The following PTK7 variants were observed in gnomAD, a reference collection of about 807,000 sequenced individuals.
The protein encoded by PTK7 is inactive tyrosine-protein kinase 7.
A neutral mutation model predicts 116.6 loss-of-function variants in PTK7; 39 were observed. The ratio of observed to expected loss-of-function variants is 0.33; its 90% CI spans 0.26 to 0.44. PTK7 has a LOEUF of 0.44. Among genes scored for constraint, PTK7 ranks in the 20% least tolerant of loss-of-function variants. The probability of loss-of-function intolerance (pLI) is 1.00; values close to 1 mark genes in which losing one functional copy is unlikely to be tolerated. For synonymous variants in PTK7, 546 were observed against 563.6 expected (o/e 0.97, Z 0.44); for missense variants, 1,169 against 1,425.6 (o/e 0.82, Z 2.90).
Position 43,076,852 on chromosome 6 carries a change from A to G in PTK7, c.79+285A>G. ...GGTCTGAGCCGAGAGTTTGCTCGAGAACTGCCGAGAGTTGCTGGCTCTCGG... is the reference window on the plus strand; with the variant it reads ...GGTCTGAGCCGAGAGTTTGCTCGAGGACTGCCGAGAGTTGCTGGCTCTCGG... On this transcript the variant is annotated intron_variant, in intron 1 of 19. Transcript: ENST00000230419. The surrounding 1 kb of genome is among the most constrained non-coding windows in gnomAD (Gnocchi z 5.7). The G allele has an allele frequency of 2.7e-6, 4 of 1,456,610 alleles. No individual in the cohort carries two copies. Among genetic ancestry groups the G allele is most frequent in the Non-Finnish European group, 3.6e-6 (4 of 1,101,136 alleles). The allele number at this position is 1,456,610 out of a possible 1,614,324, so 90.2% of individuals were successfully genotyped here.
At chr6:43,119,882 G>A (rs1768857995) in intron 1 of PTK7, among the ~76,000 whole-genome samples, 1 of 152,156 alleles carries the variant, frequency 6.6e-6, no homozygotes, top group African/African-American at 2.4e-5. Flanking sequence ...GTTCCCCTTG[G>A]CAATTCTGTT....
chr6:43,157,351 TATATATATATATA>T (rs1302186158), intron 17 of PTK7, among the ~76,000 whole-genome samples: 211 of 12,186 alleles, frequency 0.017, 14 homozygotes, highest in South Asian at 0.026. Context: ...TATATATATA[TATATATATATATA>T]TTTTTTTTTT....
At position 43,130,654 on chromosome 6, in the gene PTK7, C is replaced by G. The variant is rs148508783; in HGVS notation, c.805C>G (p.Arg269Gly). 5.6e-6 allele frequency: 9 copies of G among 1,614,172 alleles called. No homozygotes were observed. Among genetic ancestry groups the G allele is most frequent in the Non-Finnish European group, 7.6e-6 (9 of 1,180,028 alleles). ...TGAGGATGAGACTCCCATCACTAACCGCAGTCGGTAAGGCATCTGGCTGGG... is the reference window on the plus strand; with the variant it reads ...TGAGGATGAGACTCCCATCACTAACGGCAGTCGGTAAGGCATCTGGCTGGG... Reference protein sequence around the residue: ...LFEDETPITNRSRPPHLRRAT... With the variant: ...LFEDETPITNGSRPPHLRRAT... The change falls in exon 5 of 20, where the codon CGC becomes GGC. Residue 269 changes from arginine (R) to glycine (G), a missense_variant. By Grantham distance (125) the Arg-to-Gly change is moderately radical. Transcript: ENST00000230419.
intron 1 of PTK7, among the ~76,000 whole-genome samples, chr6:43,110,132 G>T (rs1178861485): frequency 1.3e-5 from 2 of 151,662 alleles, no homozygotes; most frequent in Non-Finnish European, 2.9e-5. Context: ...GAGTAGCTGG[G>T]ATTACAGGCG....
chr6:43,130,501 C>A lies in PTK7; in HGVS notation c.662-10C>A, dbSNP rs550873713. The A allele has an allele frequency of 6.2e-7, 1 of 1,613,174 alleles. No homozygotes were observed. The highest frequency in any genetic ancestry group is 1.1e-5 in the South Asian group (1 of 90,970). On this transcript the variant is annotated splice_polypyrimidine_tract_variant and intron_variant, in intron 4 of 19. Coordinates refer to ENST00000230419, the MANE Select transcript of PTK7 (RefSeq NM_002821.5). Reference sequence around the variant, plus strand: ...CCAGGCTGCATGCTCCCCCATCTTTCCCTCTCCAGATGAAAGCTTTGCCAG... The same window carrying A: ...CCAGGCTGCATGCTCCCCCATCTTTACCTCTCCAGATGAAAGCTTTGCCAG...
chr6:43,118,669 A>T (rs1322867708), intron 1 of PTK7, among the ~76,000 whole-genome samples: 1 of 103,024 alleles, frequency 9.7e-6, no homozygotes, highest in East Asian at 3.7e-4. Context: ...CTATATATAT[A>T]TATATATATA....
At chr6:43,153,932 G>A (rs1255022330) in intron 17 of PTK7, among the ~76,000 whole-genome samples, 1 of 151,968 alleles carries the variant, frequency 6.6e-6, no homozygotes, top group Admixed American at 6.6e-5. Context: ...TTGGGAGGCC[G>A]AGGCAGGTGG....
In PTK7 at chr6:43,129,957, T is replaced by G. The variant is rs1420167964; in HGVS notation, c.470+128T>G. 1.0e-5 allele frequency: 10 copies of G among 988,064 alleles called. No individual in the cohort carries two copies. The highest frequency in any genetic ancestry group is 1.5e-5 in the Non-Finnish European group (10 of 655,538). The allele number at this position is 988,064 out of a possible 1,614,324, so 61.2% of individuals were successfully genotyped here. Reference sequence around the variant, plus strand: ...CACTCGTTCCACCACCACAGTGCTCTTCACCCTGCCCTCCCCCAGATATTG... The same window carrying G: ...CACTCGTTCCACCACCACAGTGCTCGTCACCCTGCCCTCCCCCAGATATTG... On this transcript the variant is annotated intron_variant, in intron 3 of 19. Transcript: ENST00000230419. The surrounding 1 kb of genome is among the most constrained non-coding windows in gnomAD (Gnocchi z 4.5).
At chr6:43,137,967 C>T (rs189530409) in intron 7 of PTK7, among the ~76,000 whole-genome samples, 90 of 152,130 alleles carry the variant, frequency 5.9e-4, no homozygotes, top group Admixed American at 3.1e-3. Flanking sequence ...CCACCACACC[C>T]GGCCAATGTT....
At chr6:43,077,831 C>G (rs73436430) in intron 1 of PTK7, among the ~76,000 whole-genome samples, 7,707 of 152,298 alleles carry the variant, frequency 0.051, 262 homozygotes, top group African/African-American at 0.082. Flanking sequence ...TCCCCTGCCC[C>G]CAGTTGTAAA....
At chr6:43,083,427 A>G (rs372925167) in intron 1 of PTK7, among the ~76,000 whole-genome samples, 8 of 152,236 alleles carry the variant, frequency 5.3e-5, no homozygotes, top group South Asian at 2.1e-4. Flanking sequence ...TTAGAGTCCT[A>G]TGTTGGAATT....
intron 1 of PTK7, among the ~76,000 whole-genome samples, chr6:43,080,322 A>C (rs1320420933): frequency 6.6e-6 from 1 of 152,244 alleles, no homozygotes; most frequent in African/African-American, 2.4e-5. Context: ...ACTGCACTCC[A>C]GCCTGGGTGT....
intron 1 of PTK7, among the ~76,000 whole-genome samples, chr6:43,116,362 G>A (rs1489756626): frequency 6.6e-6 from 1 of 152,194 alleles, no homozygotes; most frequent in Non-Finnish European, 1.5e-5. Context: ...ACATTGCGTC[G>A]TGTCCCCGCA....
rs193300737 is a variant in PTK7, at chr6:43,102,284, G to C, written c.79+25717G>C. Among the ~76,000 whole-genome samples, 96 of 152,292 alleles carry C rather than the reference G, an allele frequency of 6.3e-4. 2 individuals are homozygous for C. The highest frequency in any genetic ancestry group is 2.6e-3 in the Admixed American group (39 of 15,286). Reference sequence around the variant, plus strand: ...TACTAAAAACCCAAAAATTAGCTGGGCATGGTGGCGGGCGCCTGTAGTCCC... The same window carrying C: ...TACTAAAAACCCAAAAATTAGCTGGCCATGGTGGCGGGCGCCTGTAGTCCC... On this transcript the variant is annotated intron_variant, in intron 1 of 19. Transcript: ENST00000230419.
chr6:43,097,080 T>C (rs1767305317), intron 1 of PTK7, among the ~76,000 whole-genome samples: 1 of 132,590 alleles, frequency 7.5e-6, no homozygotes, highest in African/African-American at 2.9e-5. Flanking sequence ...TTGGCCAGAC[T>C]GCCCTGGCCA....
chr6:43,132,767 T>TA, intron 7 of PTK7, 80 bp downstream of exon 7: 1 of 1,537,042 alleles, frequency 6.5e-7, no homozygotes, highest in African/African-American at 1.4e-5. Flanking sequence ...GCTTCCCTGG[T>TA]ACTCACCTGA....
In PTK7 at chr6:43,129,033, G is replaced by T. The variant is rs1450275436; in HGVS notation, c.136G>T (p.Gly46Trp). ...GCCGTCCTCCCAGGATGCACTGCAG[G>T]GGCGCCGGGCGCTGCTTCGCTGTGA... ...KQPSSQDALQ[G>W]RRALLRCEVE... is the part of the protein sequence containing the mutation. Residue 46 changes from glycine (G) to tryptophan (W), a missense_variant, in exon 2 of 20, where the codon GGG becomes TGG. By Grantham distance (184) the Gly-to-Trp change is radical. Coordinates refer to ENST00000230419, the MANE Select transcript of PTK7 (RefSeq NM_002821.5). The surrounding 1 kb of genome is among the most constrained non-coding windows in gnomAD (Gnocchi z 4.5). 2 of 1,614,038 alleles carry T rather than the reference G, an allele frequency of 1.2e-6. No homozygotes were observed. Among genetic ancestry groups the T allele is most frequent in the Non-Finnish European group, 1.7e-6 (2 of 1,179,956 alleles).
chr6:43,092,096 C>T (rs942658529), intron 1 of PTK7, among the ~76,000 whole-genome samples: 1 of 151,982 alleles, frequency 6.6e-6, no homozygotes, highest in African/African-American at 2.4e-5. Flanking sequence ...CTCCTGACCT[C>T]GTGATCCACC....
At chr6:43,089,143 T>C (rs1178729424) in intron 1 of PTK7, among the ~76,000 whole-genome samples, 1 of 152,160 alleles carries the variant, frequency 6.6e-6, no homozygotes, top group African/African-American at 2.4e-5. Flanking sequence ...TCAGGTGAGG[T>C]TGGATCATGA....
Sources: allele counts gnomAD v4.1 joint callset (sites outside exome capture counted in the v4.1 genomes callset), GRCh38; gene constraint gnomAD v4.1.1; non-coding constraint Gnocchi (gnomAD v3.1); transcripts MANE v1.5; gene names NCBI Gene and HGNC (gene_info 2026-07-23, HGNC 2026-07-21).